The following JAK2 variants were observed in gnomAD, a reference collection of about 807,000 sequenced individuals.
JAK2 encodes the protein tyrosine-protein kinase JAK2.
In JAK2, 86 loss-of-function variants were observed where a neutral mutation model predicts 139.3. That is an observed-to-expected ratio of 0.62 (90% confidence interval 0.52 to 0.74). JAK2 has a LOEUF of 0.74. JAK2 is among the 30% of genes least tolerant of loss of function. JAK2 has a pLI of 0.00. For missense variants in JAK2, 1,421 were observed against 1,360.3 expected (o/e 1.04, Z -0.70); for synonymous variants, 490 against 437.7 (o/e 1.12, Z -1.49).
chr9:5,071,758 T>C (rs1297944708), intron 12 of JAK2, among the ~76,000 whole-genome samples: 1 of 152,190 alleles, frequency 6.6e-6, no homozygotes, highest in African/African-American at 2.4e-5. Context: ...AGCATCTTCA[T>C]GTGAGTAACA....
At chr9:5,048,842 G>C (rs921866081) in intron 5 of JAK2, among the ~76,000 whole-genome samples, 4 of 152,128 alleles carry the variant, frequency 2.6e-5, no homozygotes, top group African/African-American at 9.7e-5. Context: ...GTAGAGTATA[G>C]AGGGCCCTTG....
At chr9:5,096,370 T>C (rs911970178) in intron 22 of JAK2, among the ~76,000 whole-genome samples, 6 of 152,300 alleles carry the variant, frequency 3.9e-5, no homozygotes, top group African/African-American at 1.2e-4. Context: ...TCTGCATCAG[T>C]TGAACGCAAA....
At chr9:5,061,857 A>G (rs1818199117) in intron 8 of JAK2, among the ~76,000 whole-genome samples, 2 of 152,186 alleles carry the variant, frequency 1.3e-5, no homozygotes, top group Admixed American at 1.3e-4. Flanking sequence ...TTAAAGTGAG[A>G]GATGGGTGAA....
chr9:5,004,348 A>G (rs1406828956), intron 2 of JAK2, among the ~76,000 whole-genome samples: 1 of 151,942 alleles, frequency 6.6e-6, no homozygotes, highest in African/African-American at 2.4e-5. Flanking sequence ...TATGATTTCT[A>G]CTTTTTTAGA....
chr9:4,986,585 C>T (rs1819961493), intron 2 of JAK2, among the ~76,000 whole-genome samples: 1 of 152,174 alleles, frequency 6.6e-6, no homozygotes, highest in Admixed American at 6.5e-5. Flanking sequence ...GAAATGATTG[C>T]TTTTGGTTTC....
intron 4 of JAK2, chr9:5,041,203 C>G (rs1816480217): frequency 1.4e-6 from 2 of 1,454,764 alleles, no homozygotes; most frequent in Admixed American, 3.4e-5. Flanking sequence ...ACGTGAAGCC[C>G]GAGAACTTCC....
At chr9:5,042,957 G>A (rs1816715419) in intron 4 of JAK2, among the ~76,000 whole-genome samples, 1 of 152,218 alleles carries the variant, frequency 6.6e-6, no homozygotes, top group African/African-American at 2.4e-5. Flanking sequence ...CCTGTTCCCC[G>A]AGGCTGTGCT....
chr9:5,125,446 T>TAC (rs1412411807), intron 23 of JAK2, among the ~76,000 whole-genome samples: 2 of 151,450 alleles, frequency 1.3e-5, no homozygotes, highest in Non-Finnish European at 3.0e-5. Context: ...TTCTTCAGTC[T>TAC]TTTAAGTAAC....
At chr9:5,017,900 C>T (rs1481240498) in intron 2 of JAK2, among the ~76,000 whole-genome samples, 1 of 152,100 alleles carries the variant, frequency 6.6e-6, no homozygotes, top group Non-Finnish European at 1.5e-5. Flanking sequence ...TGTCTCTTTA[C>T]TGTTTGTGAC....
At chr9:4,987,679 T>C (rs1441168512) in intron 2 of JAK2, among the ~76,000 whole-genome samples, 3 of 119,268 alleles carry the variant, frequency 2.5e-5, no homozygotes, top group Non-Finnish European at 5.2e-5. Context: ...GTGGTTGCAG[T>C]GAGCCGAGAT....
chr9:5,128,583 G>C lies in JAK2; in HGVS notation c.*1792G>C, dbSNP rs562016497. Among the ~76,000 whole-genome samples, 18 of 151,940 alleles carry C rather than the reference G, an allele frequency of 1.2e-4. No individual in the cohort carries two copies. Among genetic ancestry groups the C allele is most frequent in the African/African-American group, 3.9e-4 (16 of 41,532 alleles). ...TCTCTAACATTGCTTTTTAAAACAA[G>C]ATGTGAACTAACTTTTCTTAAACAT... On this transcript the variant is annotated 3_prime_UTR_variant, in exon 25 of 25. Coordinates refer to ENST00000381652, the MANE Select transcript of JAK2 (RefSeq NM_004972.4).
chr9:5,102,454 C>G (rs892854904), intron 22 of JAK2, among the ~76,000 whole-genome samples: 1 of 152,134 alleles, frequency 6.6e-6, no homozygotes, highest in African/African-American at 2.4e-5. Flanking sequence ...TGGAACCAAG[C>G]TGGAAAACAC....
At chr9:5,037,291 C>G (rs1393276358) in intron 4 of JAK2, among the ~76,000 whole-genome samples, 1 of 152,116 alleles carries the variant, frequency 6.6e-6, no homozygotes, top group Admixed American at 6.5e-5. Flanking sequence ...TTGTGGAAGT[C>G]AGTGTGGCGA....
chr9:5,029,393 G>C (rs1032163005), intron 3 of JAK2, among the ~76,000 whole-genome samples: 3 of 152,092 alleles, frequency 2.0e-5, no homozygotes, highest in African/African-American at 4.8e-5. Flanking sequence ...CATCATAACT[G>C]ATATAATAAT....
chr9:5,069,348 A>G, intron 11 of JAK2, 140 bp downstream of exon 11: 1 of 559,904 alleles, frequency 1.8e-6, no homozygotes, highest in Non-Finnish European at 3.1e-6. Context: ...CTATTGTACA[A>G]GCATCATCAA....
chr9:5,011,044 A>G (rs1052399681), intron 2 of JAK2, among the ~76,000 whole-genome samples: 1 of 152,016 alleles, frequency 6.6e-6, no homozygotes, highest in African/African-American at 2.4e-5. Flanking sequence ...TTTTAAGATT[A>G]TCTTTTTGTC....
chr9:5,126,474 G>C, intron 24 of JAK2, 28 bp downstream of exon 24: 2 of 1,441,980 alleles, frequency 1.4e-6, no homozygotes, highest in East Asian at 2.3e-5. Context: ...ATCCAGGGTA[G>C]TCATGCATTT....
At position 5,041,684 on chromosome 9, in the gene JAK2, C is replaced by A. The variant is rs1157657936; in HGVS notation, c.351-2719C>A. ...GGAAGCTCTCCAGCTACCTCTTCGACCGAAGCGGCTTCGTGTTCGACTCTG... is the reference window on the plus strand; with the variant it reads ...GGAAGCTCTCCAGCTACCTCTTCGAACGAAGCGGCTTCGTGTTCGACTCTG... On this transcript the variant is annotated intron_variant, in intron 4 of 24. Transcript: ENST00000381652. 6 of 511,664 alleles carry A rather than the reference C, an allele frequency of 1.2e-5. No homozygotes were observed. The East Asian group carries it at 1.6e-4, about 14-fold the overall frequency. 31.7% of individuals were successfully genotyped at this position (511,664 alleles called of 1,614,324 possible). A position where few individuals can be genotyped will look rare whatever the true frequency, so the allele number is the denominator to read the frequency against.
intron 2 of JAK2, among the ~76,000 whole-genome samples, chr9:5,005,083 ATTTTTTTTTTTTTTTTTTTT>A (rs527982744): frequency 0.019 from 750 of 39,954 alleles, 27 homozygotes; most frequent in Middle Eastern, 0.037. Context: ...TGCCTGGCTA[ATTTTTTTTTTTTTTTTTTTT>A]TTTTTTTTTT....
Sources: allele counts gnomAD v4.1 joint callset (sites outside exome capture counted in the v4.1 genomes callset), GRCh38; gene constraint gnomAD v4.1.1; transcripts MANE v1.5; gene names NCBI Gene and HGNC (gene_info 2026-07-23, HGNC 2026-07-21).